NOTCH2: variants seen among roughly 807,000 people sequenced by gnomAD.
NOTCH2 encodes notch receptor 2.
In NOTCH2, 29 loss-of-function variants were observed where a neutral mutation model predicts 235.8. That is an observed-to-expected ratio of 0.12 (90% CI 0.09 to 0.17). The LOEUF (loss-of-function observed/expected upper bound fraction) is 0.17, where lower values mean the gene tolerates loss of function less well. Among genes scored for constraint, NOTCH2 ranks in the 10% least tolerant of loss-of-function variants. The pLI is 1.00. For missense variants in NOTCH2, 2,285 were observed against 3,150.2 expected, an observed-to-expected ratio of 0.73 and a Z score of 6.57; for synonymous variants, 1,086 against 1,141.5, an observed-to-expected ratio of 0.95 and a Z score of 0.98.
At chr1:119,999,976 A>AAAGAAAGAAAGAAAGGAAGGAAGG (rs1270244149) in intron 3 of NOTCH2, among the ~76,000 whole-genome samples, 1 of 56,654 alleles carries the variant, frequency 1.8e-5, no homozygotes, top group African/African-American at 7.0e-5. Context: ...AGAAAGAAAG[A>AAAGAAAGAAAGAAAGGAAGGAAGG]AAGGAAGGAA....
intron 3 of NOTCH2, among the ~76,000 whole-genome samples, chr1:120,002,398 G>A (rs1447750493): frequency 2.6e-5 from 4 of 150,954 alleles, no homozygotes; most frequent in African/African-American, 9.7e-5. Context: ...GAATACAGGA[G>A]ATCCATTAGG....
At chr1:120,003,540 C>T (rs1463662729) in intron 3 of NOTCH2, among the ~76,000 whole-genome samples, 1 of 151,784 alleles carries the variant, frequency 6.6e-6, no homozygotes. Context: ...GTACATTTTT[C>T]ACTTTTTTGC....
chr1:119,977,655 A>G (rs1464155688), intron 5 of NOTCH2, among the ~76,000 whole-genome samples: 1 of 152,168 alleles, frequency 6.6e-6, no homozygotes, highest in African/African-American at 2.4e-5. Context: ...GTTCCAGATG[A>G]TATGTGCTTT....
At chr1:119,976,118 G>C (rs1466119373) in intron 5 of NOTCH2, among the ~76,000 whole-genome samples, 4 of 152,106 alleles carry the variant, frequency 2.6e-5, no homozygotes, top group Non-Finnish European at 5.9e-5. Context: ...AAATGAGCTT[G>C]GCTGGCCCTT....
rs1224197788 is a variant in NOTCH2 at position 119,920,259 on chromosome 1, C to A, written c.5449G>T (p.Asp1817Tyr). The A allele has an allele frequency of 1.9e-6, 3 of 1,614,026 alleles. No homozygotes were observed. The highest frequency in any genetic ancestry group is 1.3e-5 in the African/African-American group (1 of 74,926). The change falls in exon 30 of 34, where the codon GAT becomes TAT. Residue 1817 changes from aspartate (D) to tyrosine (Y), a missense_variant. Asp to Tyr is a radical substitution (Grantham distance 160). This residue lies in a region of NOTCH2 where 1,173 missense variants were observed against 1,515.3 expected (regional missense o/e 0.77). Transcript: ENST00000256646. ...CCACGGACATTCACATCTAACACAT[C>A]CACCTCCTGCTCTGCCTGAGGAGGG... ...LTPPQAEQEV[D>Y]VLDVNVRGPD...
At chr1:119,960,351 T>TA (rs1434064444) in intron 11 of NOTCH2, among the ~76,000 whole-genome samples, 4 of 151,940 alleles carry the variant, frequency 2.6e-5, no homozygotes, top group Non-Finnish European at 4.4e-5. Context: ...CCTCCTGAGG[T>TA]AAGCTGCCTT....
At chr1:119,919,765 C>A in intron 30 of NOTCH2, 152 bp from the exon 31 acceptor site, 1 of 765,520 alleles carries the variant, frequency 1.3e-6, no homozygotes, top group South Asian at 1.6e-5. Context: ...ACATTTGCCA[C>A]CTTTTCCTCT....
Position 119,912,512 on chromosome 1 carries a change from C to T in NOTCH2, c.*2794G>A, listed in dbSNP as rs1398554199. ...TATTTTAATTCTCAGACTCTCTTTC[C>T]CTCATACCTTTCCCTTCCCCACCTC... On this transcript the variant is annotated 3_prime_UTR_variant, in exon 34 of 34. Transcript: ENST00000256646. The T allele has an allele frequency of 4.3e-6, 1 of 233,054 alleles. No individual in the cohort carries two copies. The highest frequency in any genetic ancestry group is 6.0e-5 in the East Asian group (1 of 16,532). The allele number at this position is 233,054 out of a possible 1,614,324, so 14.4% of individuals were successfully genotyped here.
At chr1:119,936,719 TTTGCTAATATC>T (rs370831874) in intron 21 of NOTCH2, among the ~76,000 whole-genome samples, 62 of 152,216 alleles carry the variant, frequency 4.1e-4, no homozygotes, top group African/African-American at 1.3e-3. Flanking sequence ...TCTCAGGCAT[TTTGCTAATATC>T]TTGCTTGCTC....
chr1:119,967,041 A>G (rs1651165427), intron 8 of NOTCH2, among the ~76,000 whole-genome samples: 1 of 152,262 alleles, frequency 6.6e-6, no homozygotes, highest in Non-Finnish European at 1.5e-5. Flanking sequence ...TGCACTTTAG[A>G]TAAATGGAAA....
chr1:119,945,480 A>G (rs1650220530), intron 17 of NOTCH2, among the ~76,000 whole-genome samples: 1 of 152,156 alleles, frequency 6.6e-6, no homozygotes, highest in African/African-American at 2.4e-5. Flanking sequence ...TACGCTCTCT[A>G]CAAGAAACCC....
intron 11 of NOTCH2, among the ~76,000 whole-genome samples, chr1:119,961,027 A>C (rs1650917069): frequency 1.3e-5 from 2 of 152,162 alleles, no homozygotes; most frequent in South Asian, 4.1e-4. Flanking sequence ...CTATGAGCAA[A>C]GTACGCTGCT....
intron 14 of NOTCH2, among the ~76,000 whole-genome samples, chr1:119,951,097 T>C (rs1305828297): frequency 6.6e-6 from 1 of 152,206 alleles, no homozygotes; most frequent in African/African-American, 2.4e-5. Context: ...CAACTACAAA[T>C]AACTTCTCAA....
chr1:119,975,279 C>G (rs1651527412), intron 5 of NOTCH2, among the ~76,000 whole-genome samples: 1 of 152,112 alleles, frequency 6.6e-6, no homozygotes, highest in African/African-American at 2.4e-5. Context: ...TTTGGTTTTG[C>G]AGGAGTAGGG....
intron 5 of NOTCH2, among the ~76,000 whole-genome samples, chr1:119,975,249 T>C (rs1289925096): frequency 6.6e-6 from 1 of 152,168 alleles, no homozygotes; most frequent in Non-Finnish European, 1.5e-5. Context: ...AAGCCACCAT[T>C]AGCAAAGGAA....
chr1:120,003,728 T>C (rs1212021138), intron 3 of NOTCH2, among the ~76,000 whole-genome samples: 1 of 152,048 alleles, frequency 6.6e-6, no homozygotes, highest in East Asian at 1.9e-4. Context: ...TAAAATGTGA[T>C]ACATAAAACT....
intron 17 of NOTCH2, among the ~76,000 whole-genome samples, chr1:119,947,547 C>T (rs1650304358): frequency 6.6e-6 from 1 of 152,180 alleles, no homozygotes; most frequent in Admixed American, 6.5e-5. Flanking sequence ...AACTTTCATA[C>T]AATTCTGGTG....
At chr1:119,940,995 A>C (rs1553196402) in intron 18 of NOTCH2, among the ~76,000 whole-genome samples, 1 of 152,224 alleles carries the variant, frequency 6.6e-6, no homozygotes, top group East Asian at 1.9e-4. Flanking sequence ...ACCTACAGAA[A>C]ATGAAGTTTT....
chr1:119,997,121 G>A lies in NOTCH2; in HGVS notation c.627C>T (p.Cys209=). ...AGTACTGGCCTGTGAAGCCCTGAGG[G>A]CACTGGCACTGGTAGGAACCAGGCA... The part of the protein sequence containing the change: ...LNLPGSYQCQ[C]PQGFTGQYCD... Residue 209 remains cysteine, a synonymous_variant, in exon 4 of 34, where the codon TGC becomes TGT. Coordinates refer to ENST00000256646, the MANE Select transcript of NOTCH2 (RefSeq NM_024408.4). 6.2e-7 allele frequency: 1 copy of A among 1,614,034 alleles called. No homozygotes were observed. The highest frequency in any genetic ancestry group is 8.5e-7 in the Non-Finnish European group (1 of 1,179,868).
Sources: allele counts gnomAD v4.1 joint callset (sites outside exome capture counted in the v4.1 genomes callset), GRCh38; gene constraint gnomAD v4.1.1; regional missense constraint gnomAD v4.1.1; transcripts MANE v1.5; gene names NCBI Gene and HGNC (gene_info 2026-07-23, HGNC 2026-07-21).